The following TBRG4 variants were observed in gnomAD, a reference collection of about 807,000 sequenced individuals.
The protein encoded by TBRG4 is FAST kinase domain-containing protein 4.
In TBRG4, 43 loss-of-function variants were observed where a neutral mutation model predicts 65.6. That is an observed-to-expected ratio of 0.66 (90% CI 0.51 to 0.85). TBRG4 has a LOEUF of 0.85. TBRG4 is among the 40% of genes least tolerant of loss of function. The pLI is 0.00. For missense variants in TBRG4, 709 were observed against 787.9 expected (o/e 0.90, Z 1.20); for synonymous variants, 366 against 341.4 (o/e 1.07, Z -0.79).
chr7:45,105,855 G>A (rs972980163), intron 2 of TBRG4, 91 bp from the exon 3 acceptor site: 2 of 1,380,446 alleles, frequency 1.4e-6, no homozygotes, highest in Non-Finnish European at 2.0e-6. Context: ...TGTTTCATGA[G>A]CATTTACTAC....
At position 45,100,330 on chromosome 7, in the gene TBRG4, T is replaced by G. The variant is rs1314354362; in HGVS notation, c.1891A>C (p.Lys631Gln). Residue 631 changes from lysine to glutamine, a missense_variant, in exon 11 of 11, where the codon AAG becomes CAG. Coordinates refer to ENST00000258770, the MANE Select transcript of TBRG4 (RefSeq NM_004749.4). ...GTCCATGCTGCTGGCACAAGTCACT[T>G]GGCCAGCTCCTCAGCCACCGCTTTG... is the stretch of plus-strand genomic sequence containing the variant. ...MRKAVAEELA[K>Q] 6.2e-7 allele frequency: 1 copy of G among 1,613,858 alleles called. No individual in the cohort carries two copies. The highest frequency in any genetic ancestry group is 1.3e-5 in the African/African-American group (1 of 74,942).
chr7:45,106,480 T>C (rs1784961372), intron 2 of TBRG4: 2 of 156,308 alleles, frequency 1.3e-5, no homozygotes, highest in African/African-American at 4.8e-5. Flanking sequence ...CTAAGATCAG[T>C]TTTGTTATCA....
intron 9 of TBRG4, 55 bp downstream of exon 9, chr7:45,101,448 T>C: frequency 6.2e-7 from 1 of 1,604,112 alleles, no homozygotes; most frequent in South Asian, 1.1e-5. Flanking sequence ...AAGCAAAGAA[T>C]ATGCAGTCCA....
At chr7:45,105,877 G>C (rs1378863350) in intron 2 of TBRG4, 113 bp from the exon 3 acceptor site, 1 of 1,255,340 alleles carries the variant, frequency 8.0e-7, no homozygotes, top group East Asian at 2.3e-5. Context: ...ACTCTTCAGA[G>C]AAGACAGTAT....
Position 45,109,171 on chromosome 7 carries a change from T to C in TBRG4, c.67A>G (p.Met23Val), listed in dbSNP as rs753971408. 3.1e-5 allele frequency: 50 copies of C among 1,613,892 alleles called. No individual in the cohort carries two copies. Among genetic ancestry groups the C allele is most frequent in the Non-Finnish European group, 3.6e-5 (42 of 1,179,930 alleles). Residue 23 changes from methionine (M) to valine (V), a missense_variant, in exon 2 of 11, where the codon ATG (methionine) becomes GTG (valine). Transcript: ENST00000258770. ...AGTCTCAGTCGGCCAACTGGAGCCA[T>C]GGCAGGGGCCTGACGAGCAGCTTCT... ...LREAARQAPA[M>V]APVGRLRLAW...
At chr7:45,103,884 T>C (rs1293552506) in intron 5 of TBRG4, 12 of 667,672 alleles carry the variant, frequency 1.8e-5, no homozygotes, top group East Asian at 1.4e-4. Flanking sequence ...GAAGCACTTA[T>C]AATGGTCAGT....
In TBRG4 at chr7:45,101,590, T is replaced by G. The variant is rs1784767535; in HGVS notation, c.1592A>C (p.Asp531Ala). 1 of 1,613,628 alleles carries G rather than the reference T, an allele frequency of 6.2e-7. No homozygotes were observed. ...GTCCCTTACGGGCAGAAACTCGCCG[T>G]CACTGTCCAGCAGCACCTCAGCATC... ...VLDAEVLLDSDGEFLPVRDFV... is the reference protein window; with the variant it reads ...VLDAEVLLDSAGEFLPVRDFV... The change falls in exon 9 of 11, where the codon GAC (aspartate) becomes GCC (alanine). Residue 531 changes from aspartate to alanine, a missense_variant. Asp to Ala is a moderately radical substitution (Grantham distance 126). Transcript: ENST00000258770.
At position 45,108,925 on chromosome 7, in the gene TBRG4, T is replaced by C. The variant is rs1390792330; in HGVS notation, c.313A>G (p.Ile105Val). The change falls in exon 2 of 11, where the codon ATC (isoleucine) becomes GTC (valine). Residue 105 changes from isoleucine to valine, a missense_variant. Ile to Val is a conservative substitution (Grantham distance 29). Coordinates refer to ENST00000258770, the MANE Select transcript of TBRG4 (RefSeq NM_004749.4). The stretch of plus-strand genomic sequence containing the variant: ...TCAGACAGCAAGTGAGAGAGCCGGA[T>C]AAGTACCATTGCTGCTTGATTGCTG... ...LDSNQAAMVLIRLSHLLSEKP... is the reference protein window; with the variant it reads ...LDSNQAAMVLVRLSHLLSEKP... 6.2e-7 allele frequency: 1 copy of C among 1,610,338 alleles called. No homozygotes were observed. The highest frequency in any genetic ancestry group is 1.3e-5 in the African/African-American group (1 of 74,800).
rs766161286 is a variant in TBRG4 at position 45,109,130 on chromosome 7, A to G, written c.108T>C (p.His36=). Reference sequence around the variant, plus strand: ...AGGTGGCTGAGGAAGTCAGAGTCTTATGGGCTACCCAGGCAAGTCTCAGTC... The same window carrying G: ...AGGTGGCTGAGGAAGTCAGAGTCTTGTGGGCTACCCAGGCAAGTCTCAGTC... The part of the protein sequence containing the change: ...VGRLRLAWVA[H]KTLTSSATSP... Residue 36 remains histidine, a synonymous_variant, in exon 2 of 11, where the codon CAT becomes CAC. Transcript: ENST00000258770. The G allele has an allele frequency of 6.2e-7, 1 of 1,614,196 alleles. No individual in the cohort carries two copies. Among genetic ancestry groups the G allele is most frequent in the Non-Finnish European group, 8.5e-7 (1 of 1,180,024 alleles).
At chr7:45,105,240 T>C (rs1784904285) in intron 3 of TBRG4, 2 of 628,660 alleles carry the variant, frequency 3.2e-6, no homozygotes, top group South Asian at 1.9e-5. Context: ...GCTTGATGAA[T>C]GCAGCCACAG....
Position 45,104,130 on chromosome 7 carries a change from A to G in TBRG4, c.1034T>C (p.Leu345Pro). 4.3e-6 allele frequency: 7 copies of G among 1,612,544 alleles called. No homozygotes were observed. Among genetic ancestry groups the G allele is most frequent in the Non-Finnish European group, 5.9e-6 (7 of 1,179,490 alleles). ...AAAGGCCTCAAACAGGGGCAGGCTGAGCCACTTGAGTAAGGCGAAGGACTT... is the reference window on the plus strand; with the variant it reads ...AAAGGCCTCAAACAGGGGCAGGCTGGGCCACTTGAGTAAGGCGAAGGACTT... ...CAKSFALLKW[L>P]SLPLFEAFAQ... is the part of the protein sequence containing the mutation. Residue 345 changes from leucine (L) to proline (P), a missense_variant, in exon 5 of 11, where the codon CTC (leucine) becomes CCC (proline). Leu to Pro is a moderately conservative substitution (Grantham distance 98). Coordinates refer to ENST00000258770, the MANE Select transcript of TBRG4 (RefSeq NM_004749.4).
At chr7:45,111,430 G>A (rs1181380422) in intron 1 of TBRG4, 3 of 335,140 alleles carry the variant, frequency 9.0e-6, no homozygotes, top group African/African-American at 6.7e-5. Flanking sequence ...CAACAGGGGC[G>A]GCGTCTTCCA....
Position 45,109,138 on chromosome 7 carries a change from C to T in TBRG4, c.100G>A (p.Val34Ile). ...GAGGAAGTCAGAGTCTTATGGGCTA[C>T]CCAGGCAAGTCTCAGTCGGCCAACT... is the stretch of plus-strand genomic sequence containing the variant. The part of the protein sequence containing the change: ...APVGRLRLAW[V>I]AHKTLTSSAT... Residue 34 changes from valine (V) to isoleucine (I), a missense_variant, in exon 2 of 11, where the codon GTA becomes ATA. By Grantham distance (29) the Val-to-Ile change is conservative (BLOSUM62 3). Coordinates refer to ENST00000258770, the MANE Select transcript of TBRG4 (RefSeq NM_004749.4). 6.2e-7 allele frequency: 1 copy of T among 1,614,178 alleles called. No homozygotes were observed. The highest frequency in any genetic ancestry group is 8.5e-7 in the Non-Finnish European group (1 of 1,180,036).
Position 45,105,613 on chromosome 7 carries a change from G to A in TBRG4, c.563C>T (p.Ala188Val), listed in dbSNP as rs1411494755. The change falls in exon 3 of 11, where the codon GCA becomes GTA. Residue 188 changes from alanine to valine, a missense_variant. Ala to Val is a moderately conservative substitution (Grantham distance 64). Transcript: ENST00000258770. ...CTGTGAGAGGGTGGCACAGGACTCT[G>A]CCAGGAAGGCCAGGTGCTTGTACTT... ...KLKYKHLAFL[A>V]ESCATLSQEQ... is the part of the protein sequence containing the mutation. The A allele has an allele frequency of 4.3e-6, 7 of 1,614,040 alleles. No individual in the cohort carries two copies. Among genetic ancestry groups the A allele is most frequent in the Non-Finnish European group, 5.9e-6 (7 of 1,180,058 alleles).
At position 45,108,813 on chromosome 7, in the gene TBRG4, A is replaced by T; in HGVS notation, c.411+14T>A. On this transcript the variant is annotated intron_variant, in intron 2 of 10. Coordinates refer to ENST00000258770, the MANE Select transcript of TBRG4 (RefSeq NM_004749.4). ...CCTCTTGTCTATGCTCTCAGACCAC[A>T]CTCCGGCACCCACCTGACTGTTGAG... The T allele has an allele frequency of 6.6e-7, 1 of 1,515,158 alleles. No homozygotes were observed. The allele number at this position is 1,515,158 out of a possible 1,614,324, so 93.9% of individuals were successfully genotyped here. A position where few individuals can be genotyped will look rare whatever the true frequency, so the allele number is the denominator to read the frequency against.
intron 6 of TBRG4, 116 bp downstream of exon 6, chr7:45,103,217 C>A: frequency 1.3e-6 from 1 of 794,774 alleles, no homozygotes; most frequent in Non-Finnish European, 2.1e-6. Context: ...TCCCATGCCA[C>A]ACATAGTGGC....
chr7:45,103,835 G>A, intron 5 of TBRG4: 1 of 559,950 alleles, frequency 1.8e-6, no homozygotes, highest in East Asian at 3.0e-5. Context: ...AGTCTCATCA[G>A]CCATGCTGCT....
chr7:45,105,064 A>G (rs1784895713), intron 3 of TBRG4: 1 of 697,818 alleles, frequency 1.4e-6, no homozygotes, highest in Non-Finnish European at 2.7e-6. Context: ...GATAGGGGTT[A>G]GCACATCTCC....
In TBRG4 at chr7:45,104,605, G is replaced by A. The variant is rs774073359; in HGVS notation, c.840C>T (p.Ser280=). The change falls in exon 4 of 11, where the codon TCC becomes TCT. Residue 280 remains serine (S), a synonymous_variant. Coordinates refer to ENST00000258770, the MANE Select transcript of TBRG4 (RefSeq NM_004749.4). The stretch of plus-strand genomic sequence containing the variant: ...AGAAGGGCTTCTGCACCAGGTGGTA[G>A]GAGATGGCCCGCAGCAAGGGCACGG... ...RRSVPLLRAI[S]YHLVQKPFSL... is the part of the protein sequence containing the mutation. The A allele has an allele frequency of 1.2e-6, 2 of 1,613,966 alleles. No homozygotes were observed. Among genetic ancestry groups the A allele is most frequent in the Non-Finnish European group, 8.5e-7 (1 of 1,180,046 alleles).
Sources: allele counts gnomAD v4.1 joint callset, GRCh38; gene constraint gnomAD v4.1.1; transcripts MANE v1.5; gene names NCBI Gene and HGNC (gene_info 2026-07-23, HGNC 2026-07-21).